The following CADPS2 variants were observed in gnomAD, a reference collection of about 807,000 sequenced individuals.
CADPS2 encodes the protein calcium-dependent secretion activator 2.
Under a neutral mutation model 172.5 loss-of-function variants are expected in CADPS2, and 93 were observed. The observed-to-expected ratio is 0.54, with a 90% CI of 0.46 to 0.64. CADPS2 has a LOEUF of 0.64. Ranked by LOEUF, CADPS2 falls within the 30% of genes least tolerant of loss-of-function variation. The pLI, the probability that CADPS2 is intolerant of heterozygous loss-of-function variation, is 0.00. For synonymous variants in CADPS2, 546 were observed against 555.2 expected (o/e 0.98, Z 0.23); for missense variants, 1,420 against 1,565.9 (o/e 0.91, Z 1.57).
At chr7:122,439,429 T>C (rs1228557309) in intron 16 of CADPS2, 2 of 152,172 alleles carry the variant, frequency 1.3e-5, no homozygotes, top group East Asian at 3.9e-4. Flanking sequence ...GTGCTCTATT[T>C]CTATGTCTTA....
intron 28 of CADPS2, among the ~76,000 whole-genome samples, chr7:122,327,478 G>A (rs1390820174): frequency 2.0e-5 from 3 of 151,960 alleles, no homozygotes; most frequent in Non-Finnish European, 2.9e-5. Context: ...TATATTTTAC[G>A]AAGCCTAACA....
At chr7:122,841,738 T>C (rs1207021409) in intron 1 of CADPS2, among the ~76,000 whole-genome samples, 3 of 152,192 alleles carry the variant, frequency 2.0e-5, no homozygotes, top group Non-Finnish European at 4.4e-5. Context: ...TGCCTTAAAT[T>C]TTCAGCTGTT....
At chr7:122,565,810 CTT>C (rs2066392702) in intron 7 of CADPS2, among the ~76,000 whole-genome samples, 2 of 152,138 alleles carry the variant, frequency 1.3e-5, no homozygotes, top group South Asian at 4.1e-4. Flanking sequence ...GATATATTCT[CTT>C]AGCAAATTTT....
At chr7:122,628,557 T>C (rs1340007619) in intron 4 of CADPS2, among the ~76,000 whole-genome samples, 2 of 151,690 alleles carry the variant, frequency 1.3e-5, no homozygotes, top group African/African-American at 4.8e-5. Context: ...GCAAGTCCAT[T>C]GAAAAGAACT....
At chr7:122,751,036 C>T (rs1468384857) in intron 1 of CADPS2, among the ~76,000 whole-genome samples, 1 of 152,128 alleles carries the variant, frequency 6.6e-6, no homozygotes. Flanking sequence ...GGATAAAACT[C>T]AAACCGATTT....
chr7:122,739,055 G>A (rs1023833850), intron 1 of CADPS2, among the ~76,000 whole-genome samples: 11 of 152,064 alleles, frequency 7.2e-5, no homozygotes, highest in East Asian at 1.9e-4. Flanking sequence ...TACTAGCAAC[G>A]CAAATTAAGT....
chr7:122,526,249 T>C (rs1253302567), intron 8 of CADPS2, among the ~76,000 whole-genome samples: 2 of 152,148 alleles, frequency 1.3e-5, no homozygotes, highest in African/African-American at 2.4e-5. Flanking sequence ...TGTAGTGCTA[T>C]GGCATAATCT....
chr7:122,877,228 GTATTT>G (rs1821441065), intron 1 of CADPS2, among the ~76,000 whole-genome samples: 1 of 152,118 alleles, frequency 6.6e-6, no homozygotes, highest in South Asian at 2.1e-4. Context: ...AATTCTTGAT[GTATTT>G]TATTTTCTTA....
At chr7:122,407,763 G>T in intron 19 of CADPS2, 67 bp from the exon 20 acceptor site, 2 of 1,380,844 alleles carry the variant, frequency 1.4e-6, no homozygotes, top group South Asian at 1.3e-5. Context: ...CAAGTACTGT[G>T]CCAGTTGAAA....
At chr7:122,361,387 C>T (rs1236564613) in intron 25 of CADPS2, among the ~76,000 whole-genome samples, 3 of 151,934 alleles carry the variant, frequency 2.0e-5, no homozygotes, top group Admixed American at 2.0e-4. Context: ...GCGTCCGCCA[C>T]CACACCTGGC....
intron 7 of CADPS2, among the ~76,000 whole-genome samples, chr7:122,574,506 G>A (rs1587473457): frequency 8.2e-6 from 1 of 122,168 alleles, no homozygotes; most frequent in Non-Finnish European, 1.7e-5. Context: ...TACATATGTA[G>A]AATGTTAGTT....
intron 2 of CADPS2, among the ~76,000 whole-genome samples, chr7:122,679,297 G>GGA (rs1379549631): frequency 1.1e-5 from 1 of 89,574 alleles, no homozygotes; most frequent in East Asian, 4.2e-4. Flanking sequence ...GGCCACCCTG[G>GGA]GAGTGTCTGC....
At chr7:122,729,745 T>C (rs1448329434) in intron 2 of CADPS2, among the ~76,000 whole-genome samples, 3 of 145,190 alleles carry the variant, frequency 2.1e-5, no homozygotes, top group Non-Finnish European at 4.5e-5. Flanking sequence ...ATTAGTCCCA[T>C]CTTCCCCCTT....
intron 1 of CADPS2, among the ~76,000 whole-genome samples, chr7:122,783,627 A>G (rs2139461384): frequency 6.6e-6 from 1 of 152,326 alleles, no homozygotes; most frequent in African/African-American, 2.4e-5. Context: ...AGTGTTGTAA[A>G]CAGTTGCTAC....
At chr7:122,611,392 C>T (rs2074274183) in intron 6 of CADPS2, among the ~76,000 whole-genome samples, 1 of 151,840 alleles carries the variant, frequency 6.6e-6, no homozygotes, top group African/African-American at 2.4e-5. Flanking sequence ...CTTATAGAAA[C>T]TAAAAATAAT....
chr7:122,599,999 G>C, intron 6 of CADPS2, among the ~76,000 whole-genome samples: 1 of 151,960 alleles, frequency 6.6e-6, no homozygotes, highest in South Asian at 2.1e-4. Flanking sequence ...TATATTCCTC[G>C]TAATATATCT....
At chr7:122,413,347 C>T (rs1030943918) in intron 19 of CADPS2, among the ~76,000 whole-genome samples, 1 of 152,142 alleles carries the variant, frequency 6.6e-6, no homozygotes, top group African/African-American at 2.4e-5. Context: ...GGAGAAAACA[C>T]AGGAATTCTG....
intron 2 of CADPS2, among the ~76,000 whole-genome samples, chr7:122,685,160 A>G (rs949953385): frequency 1.3e-5 from 2 of 152,134 alleles, no homozygotes; most frequent in Non-Finnish European, 2.9e-5. Flanking sequence ...AAATCCAATC[A>G]CCCTTCTAAA....
At chr7:122,671,816 G>T (rs1009860145) in intron 2 of CADPS2, among the ~76,000 whole-genome samples, 9 of 152,240 alleles carry the variant, frequency 5.9e-5, no homozygotes, top group Non-Finnish European at 1.5e-5. Flanking sequence ...CAGAGGAGTA[G>T]TGAGTAGGAA....
Sources: allele counts gnomAD v4.1 joint callset (sites outside exome capture counted in the v4.1 genomes callset), GRCh38; gene constraint gnomAD v4.1.1; transcripts MANE v1.5; gene names NCBI Gene and HGNC (gene_info 2026-07-23, HGNC 2026-07-21).